Variants in WAC observed in about 807,000 individuals in gnomAD.
The protein encoded by WAC is WW domain containing adaptor with coiled-coil.
A neutral mutation model predicts 79.6 loss-of-function variants in WAC; 11 were observed. The observed-to-expected ratio is 0.14, with a 90% CI of 0.09 to 0.23. WAC has a LOEUF of 0.23. Among genes scored for constraint, WAC ranks in the 10% least tolerant of loss-of-function variants. WAC has a pLI of 1.00. For missense variants in WAC, 728 were observed against 773.5 expected (o/e 0.94, Z 0.70); for synonymous variants, 304 against 276.9 (o/e 1.10, Z -0.97).
At chr10:28,612,097 G>C (rs529785835) in intron 10 of WAC, among the ~76,000 whole-genome samples, 175 bp downstream of exon 10, 1 of 152,284 alleles carries the variant, frequency 6.6e-6, no homozygotes, top group Non-Finnish European at 1.5e-5. Context: ...AGGGATAGAG[G>C]GGGGCTTTGA....
At chr10:28,571,674 C>T (rs774443852) in intron 3 of WAC, among the ~76,000 whole-genome samples, 1 of 152,232 alleles carries the variant, frequency 6.6e-6, no homozygotes, top group South Asian at 2.1e-4. Context: ...CTCATTTTCA[C>T]TCCTTTTCAG....
At chr10:28,572,478 G>A (rs1478288620) in intron 3 of WAC, among the ~76,000 whole-genome samples, 1 of 152,136 alleles carries the variant, frequency 6.6e-6, no homozygotes, top group Non-Finnish European at 1.5e-5. Flanking sequence ...TAGAGTGGGA[G>A]ATAGAGGAGA....
chr10:28,565,184 T>C (rs986580853), intron 3 of WAC, among the ~76,000 whole-genome samples: 10 of 152,212 alleles, frequency 6.6e-5, no homozygotes, highest in Admixed American at 3.3e-4. Flanking sequence ...GGTTTGAATG[T>C]CCCACAATTT....
chr10:28,598,179 C>A (rs1840474669), intron 7 of WAC, among the ~76,000 whole-genome samples: 2 of 152,212 alleles, frequency 1.3e-5, no homozygotes, highest in South Asian at 2.1e-4. Flanking sequence ...TTAGAAACTT[C>A]TAGTGGTTTT....
chr10:28,595,919 G>A lies in WAC; in HGVS notation c.797G>A (p.Ser266Asn), dbSNP rs758700148. 6.2e-7 allele frequency: 1 copy of A among 1,614,090 alleles called. No homozygotes were observed. ...GCTACCCCAAGCACTGTTCCTTCTA[G>A]TCCATTTACGCTACAGTCTGATCAC... ...PTATPSTVPS[S>N]PFTLQSDHQP... Residue 266 changes from serine (S) to asparagine (N), a missense_variant, in exon 7 of 14, where the codon AGT becomes AAT. This residue lies in a region of WAC where 648 missense variants were observed against 661.5 expected (regional missense o/e 0.98). Coordinates refer to ENST00000354911, the MANE Select transcript of WAC (RefSeq NM_016628.5).
In WAC at chr10:28,539,395, A is replaced by G. The variant is rs550576106; in HGVS notation, c.274+3638A>G. Among the ~76,000 whole-genome samples, 11 of 152,350 alleles carry G rather than the reference A, an allele frequency of 7.2e-5. 1 individual carries two copies. In the East Asian group the frequency reaches 1.2e-3, roughly 16 times the overall value. ...GAGATTTTATCCATTAGGATTTATT[A>G]AAGGAAATAATGTCTATTGTAAATT... On this transcript the variant is annotated intron_variant, in intron 3 of 13. Transcript: ENST00000354911.
intron 3 of WAC, among the ~76,000 whole-genome samples, chr10:28,583,070 TC>T (rs1021758702): frequency 1.3e-5 from 2 of 152,152 alleles, no homozygotes; most frequent in Middle Eastern, 3.2e-3. Flanking sequence ...ACATTGTACT[TC>T]TATTTTTGTC....
chr10:28,555,437 A>AT (rs11324050), intron 3 of WAC, among the ~76,000 whole-genome samples: 1 of 151,502 alleles, frequency 6.6e-6, no homozygotes, highest in African/African-American at 2.4e-5. Flanking sequence ...AGTAAGGAAG[A>AT]TTTTTTTTTT....
chr10:28,565,764 C>T (rs1337140093), intron 3 of WAC, among the ~76,000 whole-genome samples: 1 of 152,152 alleles, frequency 6.6e-6, no homozygotes, highest in East Asian at 1.9e-4. Flanking sequence ...ATAACACAAG[C>T]AGCTCTTTCT....
chr10:28,572,467 A>G (rs1415831515), intron 3 of WAC, among the ~76,000 whole-genome samples: 1 of 152,186 alleles, frequency 6.6e-6, no homozygotes, highest in African/African-American at 2.4e-5. Flanking sequence ...TGACCAAGAA[A>G]TAGAGTGGGA....
At chr10:28,572,392 C>A (rs1839023175) in intron 3 of WAC, among the ~76,000 whole-genome samples, 1 of 149,402 alleles carries the variant, frequency 6.7e-6, no homozygotes, top group Admixed American at 6.7e-5. Flanking sequence ...TGGGGGCTTG[C>A]TTTAAATTTG....
At chr10:28,564,819 A>G (rs1005688552) in intron 3 of WAC, among the ~76,000 whole-genome samples, 1 of 152,114 alleles carries the variant, frequency 6.6e-6, no homozygotes, top group South Asian at 2.1e-4. Context: ...GATAATCCCC[A>G]TTGTCTCTAT....
At chr10:28,591,098 A>G in intron 6 of WAC, 1 of 349,246 alleles carries the variant, frequency 2.9e-6, no homozygotes, top group Non-Finnish European at 5.3e-6. Context: ...TTTGTTTTGG[A>G]TTGGTTTCCC....
rs1235380374 is a variant in WAC, at chr10:28,621,869, C to G, written c.*2263C>G. Reference sequence around the variant, plus strand: ...GGAGAAGATGCCTAATTTGGTATTTCTTAATAGTGAATTTTTTTTTTTCTT... The same window carrying G: ...GGAGAAGATGCCTAATTTGGTATTTGTTAATAGTGAATTTTTTTTTTTCTT... On this transcript the variant is annotated 3_prime_UTR_variant, in exon 14 of 14. Coordinates refer to ENST00000354911, the MANE Select transcript of WAC (RefSeq NM_016628.5). 2 of 152,034 alleles carry G rather than the reference C, an allele frequency of 1.3e-5. No individual in the cohort carries two copies. The highest frequency in any genetic ancestry group is 4.8e-5 in the African/African-American group (2 of 41,400). 9.4% of individuals were successfully genotyped at this position (152,034 alleles called of 1,614,324 possible). A position where few individuals can be genotyped will look rare whatever the true frequency, so the allele number is the denominator to read the frequency against.
chr10:28,619,420 C>T, intron 13 of WAC, 117 bp from the exon 14 acceptor site: 1 of 733,866 alleles, frequency 1.4e-6, no homozygotes, highest in Non-Finnish European at 2.1e-6. Context: ...TTTTAAATTT[C>T]TTTGCCTTAA....
intron 12 of WAC, among the ~76,000 whole-genome samples, chr10:28,617,274 G>A (rs1841512573): frequency 6.6e-6 from 1 of 152,216 alleles, no homozygotes; most frequent in Non-Finnish European, 1.5e-5. Flanking sequence ...TATGTTGTGT[G>A]TCTTACGATA....
chr10:28,585,551 T>A (rs1187584250), intron 4 of WAC, among the ~76,000 whole-genome samples: 1 of 151,700 alleles, frequency 6.6e-6, no homozygotes, highest in Non-Finnish European at 1.5e-5. Flanking sequence ...TTTCTTTTTT[T>A]TTTTTTTCCA....
At chr10:28,561,386 C>A (rs935790752) in intron 3 of WAC, among the ~76,000 whole-genome samples, 1 of 152,146 alleles carries the variant, frequency 6.6e-6, no homozygotes, top group Admixed American at 6.5e-5. Flanking sequence ...CTGATTTTGT[C>A]ATTCCCATAA....
chr10:28,541,703 ATAAAG>A (rs1348559141), intron 3 of WAC, among the ~76,000 whole-genome samples: 1 of 152,146 alleles, frequency 6.6e-6, no homozygotes, highest in East Asian at 1.9e-4. Context: ...TGATGAAATT[ATAAAG>A]TATTTAGCCT....
Sources: gnomAD v4.1 joint callset for allele counts (sites outside exome capture counted in the v4.1 genomes callset) on GRCh38, gnomAD v4.1.1 for gene constraint, gnomAD v4.1.1 regional missense constraint, MANE v1.5 for transcripts, NCBI Gene and HGNC (gene_info 2026-07-23, HGNC 2026-07-21) for gene names.